Variants in ZFC3H1 observed in about 807,000 individuals in gnomAD.
ZFC3H1 encodes the protein zinc finger C3H1-type containing, also known as zinc finger C3H1 domain-containing protein.
A neutral mutation model predicts 243.7 loss-of-function variants in ZFC3H1; 71 were observed. The ratio of observed to expected loss-of-function variants is 0.29; its 90% CI spans 0.24 to 0.36. The LOEUF (loss-of-function observed/expected upper bound fraction) is 0.36, where lower values mean the gene tolerates loss of function less well. ZFC3H1 is among the 10% of genes least tolerant of loss of function. The pLI, the probability that ZFC3H1 is intolerant of heterozygous loss-of-function variation, is 1.00. For missense variants in ZFC3H1, 1,966 were observed against 2,317.1 expected (o/e 0.85, Z 3.11); for synonymous variants, 838 against 813.0 (o/e 1.03, Z -0.52).
rs756303395 is a variant in ZFC3H1, at chr12:71,624,321, G to A, written c.4318-29C>T. ...CCCAAAGGGCCTTTATATTATTAATGTTGCCTTTCAGGAATAAACCAAAAC... is the reference window on the plus strand; with the variant it reads ...CCCAAAGGGCCTTTATATTATTAATATTGCCTTTCAGGAATAAACCAAAAC... On this transcript the variant is annotated intron_variant, in intron 22 of 34. Coordinates refer to ENST00000378743, the MANE Select transcript of ZFC3H1 (RefSeq NM_144982.5). The A allele has an allele frequency of 6.5e-6, 10 of 1,546,540 alleles. No homozygotes were observed. The South Asian group carries it at 1.2e-4, about 19-fold the overall frequency.
rs1222575118 is a variant in ZFC3H1, at chr12:71,623,384, C to T, written c.4720G>A (p.Asp1574Asn). ...CCTTCAAAAACTGCTAACAACATGT[C>T]AGGATTAGTCTTTACATCTTGAACA... is the stretch of plus-strand genomic sequence containing the variant. ...QAVQDVKTNP[D>N]MLLAVFEDAV... The change falls in exon 24 of 35, where the codon GAC (aspartate) becomes AAC (asparagine). Residue 1574 changes from aspartate to asparagine, a missense_variant. Physicochemically the swap from Asp to Asn is conservative, Grantham distance 23. Transcript: ENST00000378743. 46 of 1,610,754 alleles carry T rather than the reference C, an allele frequency of 2.9e-5. No individual in the cohort carries two copies. Among genetic ancestry groups the T allele is most frequent in the Non-Finnish European group, 3.9e-5 (46 of 1,178,972 alleles).
chr12:71,632,435 T>C lies in ZFC3H1; in HGVS notation c.2897A>G (p.Lys966Arg), dbSNP rs1193133200. Residue 966 changes from lysine (K) to arginine (R), a missense_variant, in exon 15 of 35, where the codon AAA becomes AGA. Lys to Arg is a conservative substitution (Grantham distance 26). This residue lies in a region of ZFC3H1 where 1,383 missense variants were observed against 1,723.7 expected (regional missense o/e 0.80). Coordinates refer to ENST00000378743, the MANE Select transcript of ZFC3H1 (RefSeq NM_144982.5). The part of the protein sequence containing the change: ...KHSAELIAME[K>R]RRLQKLEYEY... Reference sequence around the variant, plus strand: ...ATATTCTAGCTTTTGTAACCGTCTTTTCTCCATAGCAATTAGTTCTGCTGA... The same window carrying C: ...ATATTCTAGCTTTTGTAACCGTCTTCTCTCCATAGCAATTAGTTCTGCTGA... 1 of 1,608,942 alleles carries C rather than the reference T, an allele frequency of 6.2e-7. No individual in the cohort carries two copies. The highest frequency in any genetic ancestry group is 1.3e-5 in the African/African-American group (1 of 74,732).
intron 9 of ZFC3H1, among the ~76,000 whole-genome samples, 195 bp downstream of exon 9, chr12:71,636,295 T>G (rs988934039): frequency 6.6e-6 from 1 of 152,146 alleles, no homozygotes; most frequent in Non-Finnish European, 1.5e-5. Flanking sequence ...CACCAAACTC[T>G]TACCAGTTTT....
chr12:71,642,366 T>G lies in ZFC3H1; in HGVS notation c.1627+70A>C, dbSNP rs559282098. On this transcript the variant is annotated intron_variant, in intron 6 of 34. Transcript: ENST00000378743. ...TCATTACACATTTCTTTAAAGGTTTTGAGTACCATAATGACTATTCTCTAT... is the reference window on the plus strand; with the variant it reads ...TCATTACACATTTCTTTAAAGGTTTGGAGTACCATAATGACTATTCTCTAT... 6.7e-6 allele frequency: 10 copies of G among 1,493,838 alleles called. No individual in the cohort carries two copies. The African/African-American group carries it at 9.7e-5, about 15-fold the overall frequency. 92.5% of individuals were successfully genotyped at this position (1,493,838 alleles called of 1,614,324 possible).
At chr12:71,631,591 TA>T (rs1263321417) in intron 16 of ZFC3H1, among the ~76,000 whole-genome samples, 186 bp downstream of exon 16, 1 of 152,172 alleles carries the variant, frequency 6.6e-6, no homozygotes, top group Non-Finnish European at 1.5e-5. Context: ...TACGAACTGA[TA>T]AATCCAAGAG....
At chr12:71,614,092 C>A (rs1331655568) in intron 30 of ZFC3H1, among the ~76,000 whole-genome samples, 2 of 152,038 alleles carry the variant, frequency 1.3e-5, no homozygotes, top group Non-Finnish European at 1.5e-5. Context: ...TTGTGTATAG[C>A]TATATTTGCT....
At chr12:71,662,570 C>T (rs1171401439) in intron 1 of ZFC3H1, among the ~76,000 whole-genome samples, 1 of 144,048 alleles carries the variant, frequency 6.9e-6, no homozygotes, top group Non-Finnish European at 1.5e-5. Context: ...TAGTGCAGGA[C>T]TGTGCAGATT....
At chr12:71,613,271 T>C (rs2137512311) in intron 31 of ZFC3H1, 64 bp downstream of exon 31, 3 of 1,181,654 alleles carry the variant, frequency 2.5e-6, no homozygotes, top group Admixed American at 2.6e-5. Flanking sequence ...TTTTCAAGAA[T>C]AATCTTATAT....
intron 22 of ZFC3H1, among the ~76,000 whole-genome samples, chr12:71,625,367 A>C (rs1880138299): frequency 6.6e-6 from 1 of 152,156 alleles, no homozygotes; most frequent in Non-Finnish European, 1.5e-5. Flanking sequence ...TCTCAAGTGG[A>C]TCAATTATAA....
intron 18 of ZFC3H1, 51 bp from the exon 19 acceptor site, chr12:71,629,761 A>G (rs757087571): frequency 8.6e-7 from 1 of 1,166,526 alleles, no homozygotes; most frequent in Non-Finnish European, 1.3e-6. Flanking sequence ...TACAGAGACT[A>G]GGATAATTAA....
intron 1 of ZFC3H1, among the ~76,000 whole-genome samples, chr12:71,660,946 C>G (rs934081087): frequency 2.0e-5 from 3 of 151,208 alleles, no homozygotes; most frequent in Non-Finnish European, 4.4e-5. Flanking sequence ...GACTTCGTCT[C>G]CCCAAAAAAA....
chr12:71,645,987 AG>A (rs1880720187), intron 3 of ZFC3H1, among the ~76,000 whole-genome samples: 1 of 152,216 alleles, frequency 6.6e-6, no homozygotes, highest in African/African-American at 2.4e-5. Flanking sequence ...TGGAAGGGAA[AG>A]GAAGAGTCAA....
chr12:71,653,366 G>A (rs575756604), intron 2 of ZFC3H1, among the ~76,000 whole-genome samples: 1 of 152,268 alleles, frequency 6.6e-6, no homozygotes, highest in Non-Finnish European at 1.5e-5. Flanking sequence ...CAAAGTGACA[G>A]AAACTTAGAG....
chr12:71,660,614 G>T (rs1169967204), intron 1 of ZFC3H1, among the ~76,000 whole-genome samples: 1 of 151,400 alleles, frequency 6.6e-6, no homozygotes, highest in East Asian at 1.9e-4. Context: ...AAATAGTATT[G>T]AATAAACACG....
chr12:71,639,930 C>T (rs1439983820), intron 6 of ZFC3H1, among the ~76,000 whole-genome samples: 1 of 152,158 alleles, frequency 6.6e-6, no homozygotes, highest in Non-Finnish European at 1.5e-5. Flanking sequence ...GTCAAGCTTT[C>T]TTGTTATTTA....
chr12:71,612,518 C>G (rs895088587), intron 31 of ZFC3H1, among the ~76,000 whole-genome samples: 2 of 152,094 alleles, frequency 1.3e-5, no homozygotes, highest in African/African-American at 4.8e-5. Flanking sequence ...TACAGATTGG[C>G]AGGCTTGCTA....
intron 2 of ZFC3H1, among the ~76,000 whole-genome samples, chr12:71,649,091 C>CAAAAAA (rs35231608): frequency 1.0e-4 from 9 of 89,726 alleles, no homozygotes; most frequent in Admixed American, 1.2e-4. Context: ...ACTCTTGTCT[C>CAAAAAA]AAAAAAAAAA....
intron 27 of ZFC3H1, 33 bp downstream of exon 27, chr12:71,619,280 TCA>T: frequency 6.3e-7 from 1 of 1,590,106 alleles, no homozygotes; most frequent in South Asian, 1.1e-5. Context: ...GTGCTCTCTC[TCA>T]TTCCTCTACA....
chr12:71,632,817 T>C lies in ZFC3H1; in HGVS notation c.2817+69A>G, dbSNP rs905936519. 9.5e-6 allele frequency: 15 copies of C among 1,579,848 alleles called. No homozygotes were observed. In the African/African-American group the frequency reaches 1.4e-4, roughly 15 times the overall value. On this transcript the variant is annotated intron_variant, in intron 14 of 34. Transcript: ENST00000378743. The stretch of plus-strand genomic sequence containing the variant: ...AGCAAAGAGTTACTTTATATATACA[T>C]CTTACCCTTAAAACTATCATAAAAA...
Sources: gnomAD v4.1 joint callset for allele counts (sites outside exome capture counted in the v4.1 genomes callset) on GRCh38, gnomAD v4.1.1 for gene constraint, gnomAD v4.1.1 regional missense constraint, MANE v1.5 for transcripts, NCBI Gene and HGNC (gene_info 2026-07-23, HGNC 2026-07-21) for gene names.